RIMBP2: variants seen among roughly 807,000 people sequenced by gnomAD.
The protein encoded by RIMBP2 is RIMS-binding protein 2.
A neutral mutation model predicts 118.6 loss-of-function variants in RIMBP2; 48 were observed. The observed-to-expected ratio is 0.40, with a 90% confidence interval of 0.32 to 0.51. The LOEUF (loss-of-function observed/expected upper bound fraction) is 0.51, where lower values mean the gene tolerates loss of function less well. RIMBP2 is among the 20% of genes least tolerant of loss of function. The pLI, the probability that RIMBP2 is intolerant of heterozygous loss-of-function variation, is 0.41. For missense variants in RIMBP2, 1,551 were observed against 1,768.3 expected (o/e 0.88, Z 2.20); for synonymous variants, 762 against 742.9 (o/e 1.03, Z -0.42).
chr12:130,669,778 T>C (rs2064118027), intron 1 of RIMBP2, among the ~76,000 whole-genome samples: 1 of 152,100 alleles, frequency 6.6e-6, no homozygotes, highest in African/African-American at 2.4e-5. Flanking sequence ...CAGAATACCC[T>C]TTCCGAGTGT....
At chr12:130,657,099 T>C (rs947091963) in intron 1 of RIMBP2, among the ~76,000 whole-genome samples, 1 of 152,196 alleles carries the variant, frequency 6.6e-6, no homozygotes, top group Non-Finnish European at 1.5e-5. Context: ...GGTCTTGCTA[T>C]GTTGTTCAGG....
At chr12:130,500,338 A>T (rs1203494833) in intron 4 of RIMBP2, among the ~76,000 whole-genome samples, 1 of 152,172 alleles carries the variant, frequency 6.6e-6, no homozygotes, top group Non-Finnish European at 1.5e-5. Context: ...GGCCCCTGTA[A>T]TCCCAGCTAC....
intron 2 of RIMBP2, among the ~76,000 whole-genome samples, chr12:130,590,864 CTGGCT>C (rs2059213085): frequency 6.6e-6 from 1 of 152,190 alleles, no homozygotes; most frequent in African/African-American, 2.4e-5. Flanking sequence ...ACCCGGATGG[CTGGCT>C]GGCTGGCTGG....
chr12:130,553,915 T>C (rs970278448), intron 2 of RIMBP2, among the ~76,000 whole-genome samples: 2 of 152,152 alleles, frequency 1.3e-5, no homozygotes, highest in Admixed American at 1.3e-4. Context: ...TCAAAGAATA[T>C]AGAGAAGGTA....
chr12:130,406,716 G>A (rs1439305556), intron 20 of RIMBP2, among the ~76,000 whole-genome samples: 1 of 151,976 alleles, frequency 6.6e-6, no homozygotes, highest in African/African-American at 2.4e-5. Context: ...GTGCAACCTC[G>A]GCCCACTGCA....
chr12:130,598,115 T>TA (rs1646053964), intron 2 of RIMBP2, among the ~76,000 whole-genome samples: 2 of 152,088 alleles, frequency 1.3e-5, no homozygotes, highest in South Asian at 2.1e-4. Context: ...ACTTAAAGTT[T>TA]AAAAAAATAC....
At chr12:130,432,378 G>A (rs2077205967) in intron 14 of RIMBP2, 4 of 450,306 alleles carry the variant, frequency 8.9e-6, no homozygotes, top group Non-Finnish European at 1.8e-5. Context: ...TGCCAGTTGT[G>A]TTTTGCGTGT....
chr12:130,600,921 T>TA (rs2059837758), intron 2 of RIMBP2, among the ~76,000 whole-genome samples: 1 of 152,194 alleles, frequency 6.6e-6, no homozygotes, highest in Non-Finnish European at 1.5e-5. Context: ...CTGCTGTTGC[T>TA]AGACCCTGTA....
intron 12 of RIMBP2, 112 bp from the exon 13 acceptor site, chr12:130,437,403 G>A: frequency 2.3e-6 from 2 of 882,642 alleles, no homozygotes; most frequent in Non-Finnish European, 3.4e-6. Context: ...ATCATGCCCA[G>A]CGACCTCCGA....
intron 1 of RIMBP2, among the ~76,000 whole-genome samples, chr12:130,685,979 C>CGGT (rs2065024673): frequency 1.3e-5 from 2 of 152,210 alleles, no homozygotes; most frequent in Admixed American, 6.5e-5. Flanking sequence ...AGCATCCCCC[C>CGGT]GGGGAGCAGA....
Position 130,517,914 on chromosome 12 carries a change from T to G in RIMBP2, c.-213A>C, listed in dbSNP as rs2051645568. The G allele has an allele frequency of 1.0e-6, 1 of 984,590 alleles. No individual in the cohort carries two copies. Among genetic ancestry groups the G allele is most frequent in the Admixed American group, 6.1e-5 (1 of 16,278 alleles). 61.0% of individuals were successfully genotyped at this position (984,590 alleles called of 1,614,324 possible). A position where few individuals can be genotyped will look rare whatever the true frequency, so the allele number is the denominator to read the frequency against. Reference sequence around the variant, plus strand: ...CCCTGGGTGGCATCCTTCAGTTCATTTTCCTAGGACAAAAGGAAAGGACAT... The same window carrying G: ...CCCTGGGTGGCATCCTTCAGTTCATGTTCCTAGGACAAAAGGAAAGGACAT... On this transcript the variant is annotated 5_prime_UTR_variant, in exon 3 of 23. Transcript: ENST00000690449.
chr12:130,566,721 A>T (rs1363902348), intron 2 of RIMBP2, among the ~76,000 whole-genome samples: 1 of 152,268 alleles, frequency 6.6e-6, no homozygotes, highest in Admixed American at 6.5e-5. Flanking sequence ...CAGACCAGGC[A>T]GCCAGGCTGC....
At chr12:130,409,491 C>T (rs970691926) in intron 19 of RIMBP2, among the ~76,000 whole-genome samples, 6 of 151,890 alleles carry the variant, frequency 4.0e-5, no homozygotes, top group African/African-American at 1.5e-4. Flanking sequence ...TGCAGGCGCC[C>T]GCCACCACGC....
At chr12:130,698,457 T>C (rs1189045124) in intron 1 of RIMBP2, among the ~76,000 whole-genome samples, 1 of 152,122 alleles carries the variant, frequency 6.6e-6, no homozygotes, top group East Asian at 1.9e-4. Context: ...CAAAAGATGC[T>C]AGAAATACAA....
chr12:130,570,259 A>C (rs1416531291), intron 2 of RIMBP2, among the ~76,000 whole-genome samples: 1 of 152,086 alleles, frequency 6.6e-6, no homozygotes, highest in East Asian at 1.9e-4. Context: ...GCCCGTCTCT[A>C]TAAAAAACAC....
At chr12:130,536,397 T>C (rs2054088359) in intron 2 of RIMBP2, among the ~76,000 whole-genome samples, 2 of 152,226 alleles carry the variant, frequency 1.3e-5, no homozygotes, top group African/African-American at 4.8e-5. Context: ...GCCTCAAGAA[T>C]GAAGACCAAG....
At chr12:130,616,899 A>G (rs993876916) in intron 2 of RIMBP2, among the ~76,000 whole-genome samples, 1 of 152,168 alleles carries the variant, frequency 6.6e-6, no homozygotes, top group East Asian at 1.9e-4. Context: ...CAGAGGCCTG[A>G]GCAGGAAGGA....
intron 1 of RIMBP2, among the ~76,000 whole-genome samples, chr12:130,665,006 G>A (rs1311580090): frequency 6.6e-6 from 1 of 151,584 alleles, no homozygotes; most frequent in East Asian, 1.9e-4. Flanking sequence ...GCAGGTGTGA[G>A]CAGCATGCTG....
chr12:130,603,414 A>G (rs2059982733), intron 2 of RIMBP2, among the ~76,000 whole-genome samples: 1 of 152,254 alleles, frequency 6.6e-6, no homozygotes, highest in Non-Finnish European at 1.5e-5. Flanking sequence ...GCATCATGGA[A>G]GAGTGGAAAC....
Sources: allele counts gnomAD v4.1 joint callset (sites outside exome capture counted in the v4.1 genomes callset), GRCh38; gene constraint gnomAD v4.1.1; transcripts MANE v1.5; gene names NCBI Gene and HGNC (gene_info 2026-07-23, HGNC 2026-07-21).